The following NCAM1 variants were observed in gnomAD, a reference collection of about 807,000 sequenced individuals.
NCAM1 encodes the protein neural cell adhesion molecule 1.
Under a neutral mutation model 109.8 loss-of-function variants are expected in NCAM1, and 14 were observed. The observed-to-expected ratio is 0.13, with a 90% confidence interval of 0.08 to 0.20. The LOEUF is 0.20. NCAM1 is among the 10% of genes least tolerant of loss of function. NCAM1 has a pLI of 1.00. For missense variants in NCAM1, 774 were observed against 1,109.9 expected (o/e 0.70, Z 4.30); for synonymous variants, 418 against 442.9 (o/e 0.94, Z 0.70).
intron 10 of NCAM1, 74 bp from the exon 11 acceptor site, chr11:113,232,096 C>T: frequency 7.2e-7 from 1 of 1,397,778 alleles, no homozygotes; most frequent in Non-Finnish European, 9.6e-7. Flanking sequence ...CCTGCCTTCC[C>T]AGTGCCAGGA....
intron 1 of NCAM1, among the ~76,000 whole-genome samples, chr11:113,008,443 C>G (rs1434254706): frequency 6.6e-6 from 1 of 152,180 alleles, no homozygotes; most frequent in Non-Finnish European, 1.5e-5. Context: ...TTAACAATGA[C>G]TCATTTCAGC....
At chr11:113,183,575 C>T (rs1164515623) in intron 1 of NCAM1, among the ~76,000 whole-genome samples, 2 of 152,200 alleles carry the variant, frequency 1.3e-5, no homozygotes, top group Non-Finnish European at 2.9e-5. Context: ...TATAGTCTGG[C>T]TTCTTGGTGT....
intron 14 of NCAM1, 191 bp from the exon 15 acceptor site, chr11:113,246,177 C>T: frequency 1.8e-6 from 1 of 548,400 alleles, no homozygotes; most frequent in Non-Finnish European, 3.2e-6. Flanking sequence ...TTGATTTCTC[C>T]TTTTATTTAG....
chr11:113,230,549 A>G (rs2137217720), intron 9 of NCAM1, among the ~76,000 whole-genome samples: 1 of 152,332 alleles, frequency 6.6e-6, no homozygotes, highest in East Asian at 1.9e-4. Flanking sequence ...CTGCTGTATG[A>G]CATTGCAATT....
At chr11:113,201,647 G>T (rs531188101) in intron 1 of NCAM1, among the ~76,000 whole-genome samples, 6 of 152,340 alleles carry the variant, frequency 3.9e-5, no homozygotes, top group Non-Finnish European at 8.8e-5. Context: ...GAATGACAGA[G>T]CATATGGATG....
chr11:113,191,350 G>T (rs1372232751), intron 1 of NCAM1, among the ~76,000 whole-genome samples: 1 of 152,204 alleles, frequency 6.6e-6, no homozygotes, highest in Non-Finnish European at 1.5e-5. Flanking sequence ...TTTAAACTTA[G>T]TATATCCCTG....
chr11:113,174,407 T>C (rs1555106716), intron 1 of NCAM1, among the ~76,000 whole-genome samples: 1 of 152,220 alleles, frequency 6.6e-6, no homozygotes. Context: ...CACAAGTTTC[T>C]TTGTATATGG....
chr11:113,182,295 A>G (rs1382652549), intron 1 of NCAM1, among the ~76,000 whole-genome samples: 1 of 152,148 alleles, frequency 6.6e-6, no homozygotes, highest in African/African-American at 2.4e-5. Context: ...AATGCATTAC[A>G]AAAGCACACC....
intron 1 of NCAM1, among the ~76,000 whole-genome samples, chr11:113,024,448 G>A (rs1555076830): frequency 6.6e-6 from 1 of 152,018 alleles, no homozygotes; most frequent in Non-Finnish European, 1.5e-5. Context: ...GTGTTTGTTG[G>A]AGTAGTTTAT....
At chr11:112,985,034 T>C (rs564288994) in intron 1 of NCAM1, among the ~76,000 whole-genome samples, 2 of 152,050 alleles carry the variant, frequency 1.3e-5, no homozygotes, top group Admixed American at 6.6e-5. Context: ...TCCAGGTCTT[T>C]AATTCATTTT....
At chr11:113,094,859 G>A (rs1939521780) in intron 1 of NCAM1, among the ~76,000 whole-genome samples, 1 of 152,168 alleles carries the variant, frequency 6.6e-6, no homozygotes, top group African/African-American at 2.4e-5. Flanking sequence ...ACATTGACAA[G>A]AACGAAAAAT....
In NCAM1 at chr11:113,205,445, A is replaced by G. The variant is rs1386435644; in HGVS notation, c.347-78A>G. ...CGAGACTTGCCCAGGACTCAAGTCC[A>G]GGTACCATGGCTCTAGTGAAAGGGG... On this transcript the variant is annotated intron_variant, in intron 3 of 19. Transcript: ENST00000316851. 3.9e-6 allele frequency: 6 copies of G among 1,520,612 alleles called. No individual in the cohort carries two copies. In the African/African-American group the frequency reaches 5.6e-5, roughly 14 times the overall value. The allele number at this position is 1,520,612 out of a possible 1,614,324, so 94.2% of individuals were successfully genotyped here.
chr11:113,224,474 C>T (rs1298025344), intron 9 of NCAM1, among the ~76,000 whole-genome samples: 1 of 152,242 alleles, frequency 6.6e-6, no homozygotes, highest in African/African-American at 2.4e-5. Context: ...CTCAAGGAGG[C>T]CTGCCTGCCT....
intron 14 of NCAM1, 109 bp from the exon 15 acceptor site, chr11:113,246,259 A>G: frequency 1.5e-6 from 1 of 645,990 alleles, no homozygotes; most frequent in Non-Finnish European, 2.8e-6. Flanking sequence ...TGTATTTTCC[A>G]TGTGACCTCC....
chr11:113,147,477 C>T (rs1942059938), intron 1 of NCAM1, among the ~76,000 whole-genome samples: 1 of 152,246 alleles, frequency 6.6e-6, no homozygotes, highest in South Asian at 2.1e-4. Context: ...GGCTCAACTG[C>T]CAGAGGGTTC....
chr11:113,240,577 G>A, intron 14 of NCAM1: 4 of 576,886 alleles, frequency 6.9e-6, no homozygotes. Flanking sequence ...GGTTTGGCAG[G>A]TGCACAGTCT....
intron 1 of NCAM1, among the ~76,000 whole-genome samples, chr11:113,059,278 A>T (rs1555083109): frequency 6.6e-6 from 1 of 152,220 alleles, no homozygotes; most frequent in African/African-American, 2.4e-5. Context: ...TCCAAAGCCA[A>T]GCCCATGGGA....
At chr11:112,979,786 C>T (rs141992916) in intron 1 of NCAM1, among the ~76,000 whole-genome samples, 17 of 151,730 alleles carry the variant, frequency 1.1e-4, no homozygotes, top group South Asian at 2.1e-4. Flanking sequence ...TTTTGTTTAA[C>T]GGACATAATT....
At position 113,273,734 on chromosome 11, in the gene NCAM1, G is replaced by C; in HGVS notation, c.2457-1533G>C. 2.2e-6 allele frequency: 1 copy of C among 445,428 alleles called. No individual in the cohort carries two copies. The highest frequency in any genetic ancestry group is 4.5e-6 in the Non-Finnish European group (1 of 220,934). 27.6% of individuals were successfully genotyped at this position (445,428 alleles called of 1,614,324 possible). A position where few individuals can be genotyped will look rare whatever the true frequency, so the allele number is the denominator to read the frequency against. On this transcript the variant is annotated intron_variant, in intron 19 of 19. Transcript: ENST00000316851. This position sits in a 1 kb window ranked among gnomAD's most constrained non-coding sequence, Gnocchi z 6.0. ...CTGCAGACAGCTCTGTTTCGCCTGC[G>C]CCAGCAAAGACCGAGTACGGCCTCT...
Sources: allele counts gnomAD v4.1 joint callset (sites outside exome capture counted in the v4.1 genomes callset), GRCh38; gene constraint gnomAD v4.1.1; non-coding constraint Gnocchi (gnomAD v3.1); transcripts MANE v1.5; gene names NCBI Gene and HGNC (gene_info 2026-07-23, HGNC 2026-07-21).